The following PCSK5 variants were observed in gnomAD, a reference collection of about 807,000 sequenced individuals.
PCSK5 encodes the protein proprotein convertase subtilisin/kexin type 5.
PCSK5 carries 129 observed loss-of-function variants against 233.2 expected under a neutral mutation model. The ratio of observed to expected loss-of-function variants is 0.55; its 90% confidence interval spans 0.48 to 0.64. The LOEUF (loss-of-function observed/expected upper bound fraction) is 0.64, where lower values mean the gene tolerates loss of function less well. PCSK5 is among the 30% of genes least tolerant of loss of function. The pLI, the probability that PCSK5 is intolerant of heterozygous loss-of-function variation, is 0.00. For synonymous variants in PCSK5, 825 were observed against 879.2 expected, an observed-to-expected ratio of 0.94 and a Z score of 1.09; for missense variants, 2,076 against 2,430.1, an observed-to-expected ratio of 0.85 and a Z score of 3.06.
chr9:75,996,015 G>T (rs986268324), intron 3 of PCSK5, among the ~76,000 whole-genome samples: 3 of 151,876 alleles, frequency 2.0e-5, no homozygotes, highest in Admixed American at 1.3e-4. Context: ...TTCAAATACT[G>T]GTCCAAGGCT....
At chr9:76,294,529 C>A (rs1367506618) in intron 25 of PCSK5, among the ~76,000 whole-genome samples, 1 of 152,164 alleles carries the variant, frequency 6.6e-6, no homozygotes, top group African/African-American at 2.4e-5. Context: ...CACAAGCAAC[C>A]TTTTCACACA....
At chr9:76,331,484 G>A (rs929865692) in intron 33 of PCSK5, among the ~76,000 whole-genome samples, 34 of 152,150 alleles carry the variant, frequency 2.2e-4, no homozygotes, top group African/African-American at 6.7e-4. Flanking sequence ...TGGCTAAAAC[G>A]GTGAAACCCC....
chr9:76,074,768 A>G (rs1830587101), intron 7 of PCSK5, among the ~76,000 whole-genome samples: 1 of 152,212 alleles, frequency 6.6e-6, no homozygotes, highest in African/African-American at 2.4e-5. Flanking sequence ...AATACCTGCA[A>G]TATAATAAAT....
intron 3 of PCSK5, among the ~76,000 whole-genome samples, chr9:75,990,870 G>A (rs1416210300): frequency 6.6e-6 from 1 of 152,158 alleles, no homozygotes; most frequent in Non-Finnish European, 1.5e-5. Context: ...GTGGAGTGGG[G>A]CAAAGGCAGT....
At chr9:76,315,141 A>T (rs950248126) in intron 30 of PCSK5, among the ~76,000 whole-genome samples, 1 of 151,430 alleles carries the variant, frequency 6.6e-6, no homozygotes, top group Non-Finnish European at 1.5e-5. Context: ...TTTAGTAGAG[A>T]TGGGGTTTCA....
At chr9:76,071,943 T>A (rs373025282) in intron 7 of PCSK5, 45 bp downstream of exon 7, 1 of 1,541,224 alleles carries the variant, frequency 6.5e-7, no homozygotes, top group East Asian at 2.3e-5. Context: ...GGATGGGTGA[T>A]GATTCTCATA....
intron 30 of PCSK5, among the ~76,000 whole-genome samples, chr9:76,311,867 A>T (rs1828873862): frequency 6.6e-6 from 1 of 152,170 alleles, no homozygotes. Context: ...AGCTCCAGAC[A>T]CGGTCACCCC....
intron 5 of PCSK5, 48 bp from the exon 6 acceptor site, chr9:76,067,907 T>G: frequency 6.8e-6 from 10 of 1,461,066 alleles, no homozygotes; most frequent in Non-Finnish European, 9.6e-6. Context: ...GTTGGCTTTG[T>G]GAGAATGGTG....
chr9:76,275,416 T>C (rs7868576), intron 24 of PCSK5, among the ~76,000 whole-genome samples: 61,056 of 151,940 alleles, frequency 0.4, 13,671 homozygotes, highest in East Asian at 0.73. Flanking sequence ...CTTTGGTTTT[T>C]TGGGGGTTTT....
At chr9:76,117,557 A>C (rs1213496432) in intron 9 of PCSK5, among the ~76,000 whole-genome samples, 1 of 152,154 alleles carries the variant, frequency 6.6e-6, no homozygotes, top group Non-Finnish European at 1.5e-5. Flanking sequence ...AACGTTAAGC[A>C]CATCTTACCT....
chr9:75,953,557 G>A (rs1046490698), intron 2 of PCSK5, among the ~76,000 whole-genome samples: 2 of 152,044 alleles, frequency 1.3e-5, no homozygotes, highest in African/African-American at 4.8e-5. Context: ...CTACTGGAAG[G>A]AAACATGCTT....
chr9:76,040,377 C>CTCTGTCTCTCTGTCTCTCTG (rs770227021), intron 5 of PCSK5, among the ~76,000 whole-genome samples: 1 of 59,798 alleles, frequency 1.7e-5, no homozygotes, highest in Admixed American at 2.0e-4. Flanking sequence ...CTCTCTCTCT[C>CTCTGTCTCTCTGTCTCTCTG]TCTCTCTGTC....
chr9:76,024,876 C>T (rs1828353216), intron 4 of PCSK5, among the ~76,000 whole-genome samples: 1 of 152,148 alleles, frequency 6.6e-6, no homozygotes, highest in South Asian at 2.1e-4. Flanking sequence ...TAAAGGCAAA[C>T]AAGCAAATCC....
intron 20 of PCSK5, among the ~76,000 whole-genome samples, chr9:76,191,904 C>T (rs1824398219): frequency 6.6e-6 from 1 of 151,398 alleles, no homozygotes; most frequent in Admixed American, 6.6e-5. Context: ...CATGGTGAAA[C>T]CCCATCTCTA....
chr9:76,134,716 A>G (rs555575660), intron 10 of PCSK5, among the ~76,000 whole-genome samples: 1 of 152,078 alleles, frequency 6.6e-6, no homozygotes, highest in Non-Finnish European at 1.5e-5. Flanking sequence ...ATGTTACTTT[A>G]TATAAACTAA....
intron 3 of PCSK5, among the ~76,000 whole-genome samples, chr9:75,988,972 T>G (rs916435573): frequency 2.6e-5 from 4 of 152,178 alleles, no homozygotes; most frequent in African/African-American, 9.7e-5. Flanking sequence ...ACTGAAACAC[T>G]TGGCAGAATG....
At chr9:76,293,035 A>T (rs1828325716) in intron 25 of PCSK5, among the ~76,000 whole-genome samples, 1 of 152,182 alleles carries the variant, frequency 6.6e-6, no homozygotes, top group African/African-American at 2.4e-5. Flanking sequence ...TAATCTCCTG[A>T]AGAGAAAACT....
intron 8 of PCSK5, among the ~76,000 whole-genome samples, chr9:76,098,296 A>C (rs1831619083): frequency 6.6e-6 from 1 of 152,238 alleles, no homozygotes; most frequent in African/African-American, 2.4e-5. Flanking sequence ...TTCATCAATA[A>C]GCATAACTCT....
intron 1 of PCSK5, among the ~76,000 whole-genome samples, chr9:75,893,691 T>C (rs984378685): frequency 6.6e-5 from 10 of 152,260 alleles, no homozygotes; most frequent in Middle Eastern, 6.8e-3. Flanking sequence ...TAGTGAAGAT[T>C]CATGGCTTCT....
Sources: gnomAD v4.1 joint callset for allele counts (sites outside exome capture counted in the v4.1 genomes callset) on GRCh38, gnomAD v4.1.1 for gene constraint, MANE v1.5 for transcripts, NCBI Gene and HGNC (gene_info 2026-07-23, HGNC 2026-07-21) for gene names.